EPHA4: variants seen among roughly 807,000 people sequenced by gnomAD.
The protein encoded by EPHA4 is ephrin type-A receptor 4.
EPHA4 carries 19 observed loss-of-function variants against 108.3 expected under a neutral mutation model. That is an observed-to-expected ratio of 0.18 (90% CI 0.12 to 0.26). The LOEUF (loss-of-function observed/expected upper bound fraction) is 0.26. Ranked by LOEUF, EPHA4 falls within the 10% of genes least tolerant of loss-of-function variation. The probability of loss-of-function intolerance (pLI) is 1.00; values close to 1 mark genes in which losing one functional copy is unlikely to be tolerated. For missense variants in EPHA4, 917 were observed against 1,254.0 expected (o/e 0.73, Z 4.06); for synonymous variants, 449 against 455.5 (o/e 0.99, Z 0.18).
chr2:221,526,715 C>T (rs1693334854), intron 3 of EPHA4, among the ~76,000 whole-genome samples: 1 of 151,546 alleles, frequency 6.6e-6, no homozygotes, highest in Non-Finnish European at 1.5e-5. Flanking sequence ...GGCGCAGTGG[C>T]GAGGGCCTAT....
chr2:221,445,043 C>A (rs1018441346), intron 9 of EPHA4, among the ~76,000 whole-genome samples: 1 of 152,120 alleles, frequency 6.6e-6, no homozygotes, highest in Non-Finnish European at 1.5e-5. Context: ...CAGGCATAAG[C>A]CACTGTGCCC....
chr2:221,505,018 T>C (rs1353433005), intron 3 of EPHA4, among the ~76,000 whole-genome samples: 2 of 152,200 alleles, frequency 1.3e-5, no homozygotes, highest in Non-Finnish European at 2.9e-5. Flanking sequence ...CCCATCCTCT[T>C]GCTGCCTTTA....
At chr2:221,570,873 G>A (rs1234216358) in intron 1 of EPHA4, among the ~76,000 whole-genome samples, 1 of 151,544 alleles carries the variant, frequency 6.6e-6, no homozygotes, top group African/African-American at 2.4e-5. Context: ...ACGGACGGAC[G>A]GATGCACGGA....
At chr2:221,458,313 T>A (rs186025213) in intron 5 of EPHA4, among the ~76,000 whole-genome samples, 1 of 152,324 alleles carries the variant, frequency 6.6e-6, no homozygotes, top group Admixed American at 6.5e-5. Context: ...GTTTTTAACC[T>A]TTTGTAAGCC....
chr2:221,486,207 C>G (rs1435705271), intron 4 of EPHA4, among the ~76,000 whole-genome samples: 2 of 152,148 alleles, frequency 1.3e-5, no homozygotes, highest in African/African-American at 4.8e-5. Flanking sequence ...AGTACATACA[C>G]CCATCGGGTA....
rs1689693512 is a variant in EPHA4, at chr2:221,419,694, GT to G, written c.*1677del. The G allele has an allele frequency of 2.0e-5, 3 of 152,436 alleles. No homozygotes were observed. Among genetic ancestry groups the G allele is most frequent in the Admixed American group, 2.0e-4 (3 of 15,266 alleles). 9.4% of individuals were successfully genotyped at this position (152,436 alleles called of 1,614,324 possible). On this transcript the variant is annotated 3_prime_UTR_variant, in exon 18 of 18. Transcript: ENST00000281821. ...TCACCATTAAGGTGAAAATGCCTCT[GT>G]CCAAAGCTGTAGAATTCTTATTAAG... is the stretch of plus-strand genomic sequence containing the variant.
rs139915472 is a variant in EPHA4 at position 221,564,334 on chromosome 2, T to G, written c.220A>C (p.Asn74His). The G allele has an allele frequency of 6.2e-7, 1 of 1,614,068 alleles. No individual in the cohort carries two copies. Among genetic ancestry groups the G allele is most frequent in the African/African-American group, 1.3e-5 (1 of 74,924 alleles). ...NTPIRTYQVCNVMEPSQNNWL... is the reference protein window; with the variant it reads ...NTPIRTYQVCHVMEPSQNNWL... The stretch of plus-strand genomic sequence containing the variant: ...TTATTCTGGCTGGGTTCCATCACAT[T>G]GCACACTTGGTAGGTTCGGATTGGT... Residue 74 changes from asparagine to histidine, a missense_variant, in exon 3 of 18, where the codon AAT (asparagine) becomes CAT (histidine). By Grantham distance (68) the Asn-to-His change is moderately conservative. Coordinates refer to ENST00000281821, the MANE Select transcript of EPHA4 (RefSeq NM_004438.5).
chr2:221,461,386 A>C (rs141865749), intron 5 of EPHA4, among the ~76,000 whole-genome samples: 2 of 152,276 alleles, frequency 1.3e-5, no homozygotes, highest in East Asian at 3.9e-4. Flanking sequence ...GAATTTTTTT[A>C]AAAAGATTGT....
intron 3 of EPHA4, among the ~76,000 whole-genome samples, chr2:221,558,704 A>G (rs2106204757): frequency 6.6e-6 from 1 of 152,298 alleles, no homozygotes; most frequent in African/African-American, 2.4e-5. Flanking sequence ...CCCCAAATAG[A>G]GACTATTGCA....
At chr2:221,475,371 AT>A (rs1370058389) in intron 5 of EPHA4, among the ~76,000 whole-genome samples, 2 of 152,058 alleles carry the variant, frequency 1.3e-5, no homozygotes, top group South Asian at 2.1e-4. Flanking sequence ...ATTTTAGTTA[AT>A]TTTTTTTCTG....
At chr2:221,566,969 G>GGAAGAGGAAGAGGAAGAAGAA (rs1694681667) in intron 2 of EPHA4, among the ~76,000 whole-genome samples, 1 of 27,654 alleles carries the variant, frequency 3.6e-5, no homozygotes. Flanking sequence ...AAGAGGAAGA[G>GGAAGAGGAAGAGGAAGAAGAA]GAAGAAGAAG....
intron 3 of EPHA4, among the ~76,000 whole-genome samples, chr2:221,515,518 C>T (rs554680661): frequency 3.9e-5 from 6 of 152,266 alleles, no homozygotes; most frequent in African/African-American, 1.4e-4. Context: ...AAAATTAGAT[C>T]CTGGCCACAT....
intron 13 of EPHA4, 44 bp downstream of exon 13, chr2:221,436,355 A>G (rs1329598940): frequency 3.2e-6 from 5 of 1,568,434 alleles, no homozygotes; most frequent in Non-Finnish European, 2.6e-6. Flanking sequence ...AGAGAGGAAC[A>G]GTTTCACCAG....
intron 3 of EPHA4, among the ~76,000 whole-genome samples, chr2:221,506,203 G>C (rs531505395): frequency 6.6e-6 from 1 of 152,224 alleles, no homozygotes; most frequent in African/African-American, 2.4e-5. Context: ...AATATATCCA[G>C]TATGCTTAGG....
At chr2:221,462,104 G>A (rs1691164186) in intron 5 of EPHA4, among the ~76,000 whole-genome samples, 1 of 148,814 alleles carries the variant, frequency 6.7e-6, no homozygotes, top group African/African-American at 2.5e-5. Context: ...GGACAGTTTT[G>A]TGCCTCCAGA....
At chr2:221,525,742 T>A (rs1225624032) in intron 3 of EPHA4, among the ~76,000 whole-genome samples, 1 of 152,090 alleles carries the variant, frequency 6.6e-6, no homozygotes, top group African/African-American at 2.4e-5. Context: ...GGAAACAAAG[T>A]TGGAGCCTAT....
At chr2:221,537,077 G>A (rs1559284216) in intron 3 of EPHA4, among the ~76,000 whole-genome samples, 1 of 152,200 alleles carries the variant, frequency 6.6e-6, no homozygotes, top group Non-Finnish European at 1.5e-5. Flanking sequence ...TTTGTGAACT[G>A]TTGCATTTAA....
intron 5 of EPHA4, among the ~76,000 whole-genome samples, chr2:221,474,235 C>A (rs1691586166): frequency 6.6e-6 from 1 of 152,040 alleles, no homozygotes; most frequent in Admixed American, 6.6e-5. Context: ...GTGGCACCCA[C>A]CCCGAATACA....
At chr2:221,437,186 G>C in intron 11 of EPHA4, 64 bp from the exon 12 acceptor site, 1 of 1,256,684 alleles carries the variant, frequency 8.0e-7, no homozygotes, top group Non-Finnish European at 1.2e-6. Flanking sequence ...AGATAAAAAT[G>C]GGCTGCGCAC....
Sources: allele counts gnomAD v4.1 joint callset (sites outside exome capture counted in the v4.1 genomes callset), GRCh38; gene constraint gnomAD v4.1.1; transcripts MANE v1.5; gene names NCBI Gene and HGNC (gene_info 2026-07-23, HGNC 2026-07-21).